ADAMTS19: variants seen among roughly 807,000 people sequenced by gnomAD.
ADAMTS19 encodes the protein ADAM metallopeptidase with thrombospondin type 1 motif 19.
ADAMTS19 carries 93 observed loss-of-function variants against 153.3 expected under a neutral mutation model. The ratio of observed to expected loss-of-function variants is 0.61; its 90% CI spans 0.51 to 0.72. The LOEUF (loss-of-function observed/expected upper bound fraction) is 0.72. Among genes scored for constraint, ADAMTS19 ranks in the 30% least tolerant of loss-of-function variants. The probability of loss-of-function intolerance (pLI) is 0.00; values close to 1 mark genes in which losing one functional copy is unlikely to be tolerated. For synonymous variants in ADAMTS19, 600 were observed against 556.6 expected (o/e 1.08, Z -1.10); for missense variants, 1,482 against 1,552.1 (o/e 0.95, Z 0.76).
chr5:129,479,927 AAAAC>A (rs1257697644), intron 2 of ADAMTS19, among the ~76,000 whole-genome samples: 3 of 152,166 alleles, frequency 2.0e-5, no homozygotes, highest in Non-Finnish European at 4.4e-5. Context: ...ATTTTTTAAA[AAAAC>A]AAGCTTTTTG....
At chr5:129,669,734 AC>A (rs1222841985) in intron 16 of ADAMTS19, among the ~76,000 whole-genome samples, 6 of 151,210 alleles carry the variant, frequency 4.0e-5, no homozygotes, top group Admixed American at 6.6e-5. Context: ...CCCTAGGAAA[AC>A]CTTTGCTGTG....
chr5:129,719,827 G>T (rs1352628530), intron 21 of ADAMTS19, among the ~76,000 whole-genome samples: 3 of 152,046 alleles, frequency 2.0e-5, no homozygotes, highest in Non-Finnish European at 4.4e-5. Context: ...GATCACTTGA[G>T]GTCAGGAGTT....
intron 18 of ADAMTS19, chr5:129,688,246 A>G (rs1755176531): frequency 6.6e-6 from 1 of 152,170 alleles, no homozygotes; most frequent in Non-Finnish European, 1.5e-5. Context: ...TTGGAAACAG[A>G]TTCATGCAAA....
intron 9 of ADAMTS19, 149 bp from the exon 10 acceptor site, chr5:129,622,049 G>T: frequency 1.3e-6 from 1 of 757,604 alleles, no homozygotes; most frequent in South Asian, 1.9e-5. Flanking sequence ...AATGATTTTT[G>T]ACATATAGAA....
At chr5:129,639,481 A>T (rs1428827902) in intron 10 of ADAMTS19, among the ~76,000 whole-genome samples, 1 of 152,164 alleles carries the variant, frequency 6.6e-6, no homozygotes, top group East Asian at 1.9e-4. Flanking sequence ...GAGAGATTTT[A>T]TTCTACGTGA....
At chr5:129,731,174 G>C (rs771491090) in intron 21 of ADAMTS19, among the ~76,000 whole-genome samples, 1 of 151,954 alleles carries the variant, frequency 6.6e-6, no homozygotes, top group African/African-American at 2.4e-5. Flanking sequence ...GGACAGGCTG[G>C]TCTAGAACTC....
chr5:129,688,442 T>A (rs1023060899), intron 18 of ADAMTS19, among the ~76,000 whole-genome samples: 15 of 151,866 alleles, frequency 9.9e-5, no homozygotes, highest in Non-Finnish European at 2.1e-4. Flanking sequence ...CTTAAAAGGA[T>A]ATGGTTATCT....
chr5:129,552,306 G>A (rs540221968), intron 7 of ADAMTS19, among the ~76,000 whole-genome samples: 7 of 151,708 alleles, frequency 4.6e-5, no homozygotes, highest in African/African-American at 1.4e-4. Flanking sequence ...AGACTGTGTC[G>A]AAATAAACTG....
chr5:129,683,200 A>G (rs1036830154), intron 17 of ADAMTS19, among the ~76,000 whole-genome samples: 29 of 138,242 alleles, frequency 2.1e-4, no homozygotes, highest in African/African-American at 3.2e-4. Flanking sequence ...ATATATATAT[A>G]TACTCATTAA....
At chr5:129,460,829 G>T (rs1749621542) in intron 1 of ADAMTS19, 3 of 472,554 alleles carry the variant, frequency 6.3e-6, no homozygotes, top group Non-Finnish European at 3.6e-6. Context: ...TGGAGTCTTT[G>T]CATCGGTTTT....
intron 8 of ADAMTS19, among the ~76,000 whole-genome samples, chr5:129,616,873 A>G (rs1429306304): frequency 6.6e-6 from 1 of 152,076 alleles, no homozygotes; most frequent in African/African-American, 2.4e-5. Context: ...TCAGAAAACA[A>G]TAAATCATCT....
At chr5:129,693,515 T>C (rs1755425531) in intron 18 of ADAMTS19, among the ~76,000 whole-genome samples, 1 of 152,190 alleles carries the variant, frequency 6.6e-6, no homozygotes, top group African/African-American at 2.4e-5. Flanking sequence ...GTCAAAATTT[T>C]GGGCTGATTT....
rs927719442 is a variant in ADAMTS19, at chr5:129,461,245, C to G, written c.235C>G (p.Arg79Gly). 2.3e-5 allele frequency: 29 copies of G among 1,262,920 alleles called. No individual in the cohort carries two copies. The African/African-American group carries it at 4.2e-4, about 18-fold the overall frequency. 78.2% of individuals were successfully genotyped at this position (1,262,920 alleles called of 1,614,324 possible). The part of the protein sequence containing the change: ...VRGVGGGGSA[R>G]AQAAGSSREV... ...CGGCGTTGGGGGCGGCGGAAGCGCCCGGGCGCAGGCTGCCGGCAGCTCACG... is the reference window on the plus strand; with the variant it reads ...CGGCGTTGGGGGCGGCGGAAGCGCCGGGGCGCAGGCTGCCGGCAGCTCACG... The change falls in exon 2 of 23, where the codon CGG (arginine) becomes GGG (glycine). Residue 79 changes from arginine (R) to glycine (G), a missense_variant. Physicochemically the swap from Arg to Gly is moderately radical, Grantham distance 125. Transcript: ENST00000274487. The surrounding 1 kb of genome is among the most constrained non-coding windows in gnomAD (Gnocchi z 4.6).
chr5:129,639,178 A>G (rs1706990435), intron 10 of ADAMTS19, among the ~76,000 whole-genome samples: 1 of 152,030 alleles, frequency 6.6e-6, no homozygotes, highest in South Asian at 2.1e-4. Flanking sequence ...AAAATATTTG[A>G]CCCTTGCCTG....
chr5:129,701,720 ATG>A, intron 20 of ADAMTS19, 128 bp downstream of exon 20: 2 of 150,410 alleles, frequency 1.3e-5, no homozygotes, highest in South Asian at 1.1e-4. Flanking sequence ...AATTTTGTTG[ATG>A]ATTAAAGGAA....
chr5:129,606,491 C>T (rs937044415), intron 8 of ADAMTS19, among the ~76,000 whole-genome samples: 1 of 152,210 alleles, frequency 6.6e-6, no homozygotes, highest in Non-Finnish European at 1.5e-5. Context: ...CTGGCTTGGA[C>T]TCTTGCAGTA....
chr5:129,488,983 C>T lies in ADAMTS19; in HGVS notation c.748-20094C>T, dbSNP rs572146179. On this transcript the variant is annotated intron_variant, in intron 2 of 22. Transcript: ENST00000274487. ...TTCAAACAGAACTGCAGACACTTAA[C>T]CTTTCCTTTCTTAATAATTTGAAAT... Among the ~76,000 whole-genome samples, 29 of 152,164 alleles carry T rather than the reference C, an allele frequency of 1.9e-4. No individual in the cohort carries two copies. In the South Asian group the frequency reaches 2.3e-3, roughly 12 times the overall value.
intron 3 of ADAMTS19, among the ~76,000 whole-genome samples, chr5:129,516,524 G>A (rs1751615553): frequency 6.6e-6 from 1 of 151,520 alleles, no homozygotes; most frequent in South Asian, 2.1e-4. Context: ...TTCAATCTTG[G>A]TAGGTTGTAT....
At chr5:129,664,745 C>T (rs1273155544) in intron 15 of ADAMTS19, among the ~76,000 whole-genome samples, 2 of 151,994 alleles carry the variant, frequency 1.3e-5, no homozygotes, top group Admixed American at 6.6e-5. Context: ...TAACTTCAAG[C>T]AAAAGTAGGC....
Sources: allele counts gnomAD v4.1 joint callset (sites outside exome capture counted in the v4.1 genomes callset), GRCh38; gene constraint gnomAD v4.1.1; non-coding constraint Gnocchi (gnomAD v3.1); transcripts MANE v1.5; gene names NCBI Gene and HGNC (gene_info 2026-07-23, HGNC 2026-07-21).